The following PPM1L variants were observed in gnomAD, a reference collection of about 807,000 sequenced individuals.
PPM1L encodes the protein protein phosphatase 1L.
In PPM1L, 13 loss-of-function variants were observed where a neutral mutation model predicts 31.4. The ratio of observed to expected loss-of-function variants is 0.41; its 90% CI spans 0.27 to 0.66. PPM1L has a LOEUF of 0.66. Ranked by LOEUF, PPM1L falls within the 30% of genes least tolerant of loss-of-function variation. PPM1L has a pLI of 0.29. For synonymous variants in PPM1L, 184 were observed against 175.4 expected (o/e 1.05, Z -0.39); for missense variants, 326 against 453.7 (o/e 0.72, Z 2.56).
intron 1 of PPM1L, among the ~76,000 whole-genome samples, chr3:160,845,517 A>G (rs966639014): frequency 2.6e-5 from 4 of 151,750 alleles, no homozygotes; most frequent in Non-Finnish European, 5.9e-5. Context: ...TTCTCTATTT[A>G]TTTATTATTA....
intron 1 of PPM1L, among the ~76,000 whole-genome samples, chr3:160,858,461 G>A (rs952128422): frequency 5.3e-5 from 8 of 152,120 alleles, no homozygotes; most frequent in African/African-American, 1.7e-4. Context: ...TGGTCAGGCT[G>A]GTCCTGAACT....
At chr3:160,759,644 C>T (rs925299059) in intron 1 of PPM1L, among the ~76,000 whole-genome samples, 1 of 152,182 alleles carries the variant, frequency 6.6e-6, no homozygotes, top group African/African-American at 2.4e-5. Context: ...AGATAGACCT[C>T]TACACCAAAA....
rs556207301 is a variant in PPM1L at position 160,936,175 on chromosome 3, C to T, written c.400-25561C>T. 4.6e-5 allele frequency among the ~76,000 whole-genome samples: 7 copies of T among 152,208 alleles called. No individual in the cohort carries two copies. In the East Asian group the frequency reaches 5.8e-4, roughly 13 times the overall value. On this transcript the variant is annotated intron_variant, in intron 1 of 3. Coordinates refer to ENST00000498165, the MANE Select transcript of PPM1L (RefSeq NM_139245.4). ...CACAATCTCGACTCACTGCAACCTC[C>T]GCCTTCCAGGTTCAAGCGATTCTCC...
intron 1 of PPM1L, among the ~76,000 whole-genome samples, chr3:160,807,337 A>T (rs2108081815): frequency 2.0e-5 from 3 of 152,338 alleles, no homozygotes; most frequent in Admixed American, 2.0e-4. Flanking sequence ...CATCAATGTC[A>T]TATGCAATTA....
chr3:161,052,268 C>A lies in PPM1L; in HGVS notation c.575-13135C>A, dbSNP rs534944714. Among the ~76,000 whole-genome samples, 5 of 152,294 alleles carry A rather than the reference C, an allele frequency of 3.3e-5. No homozygotes were observed. The South Asian group carries it at 1.0e-3, about 32-fold the overall frequency. ...TGAGCTCCACATAATTCTTGGAGATCCTCACATCAAAGACTCCCTCTTGGT... is the reference window on the plus strand; with the variant it reads ...TGAGCTCCACATAATTCTTGGAGATACTCACATCAAAGACTCCCTCTTGGT... On this transcript the variant is annotated intron_variant, in intron 2 of 3. Transcript: ENST00000498165.
chr3:160,970,436 C>A (rs974315279), intron 2 of PPM1L, among the ~76,000 whole-genome samples: 1 of 143,324 alleles, frequency 7.0e-6, no homozygotes, highest in Admixed American at 7.6e-5. Flanking sequence ...ATCTTTTTAA[C>A]CAAGCTGAAT....
intron 1 of PPM1L, among the ~76,000 whole-genome samples, chr3:160,919,242 G>A (rs1251747944): frequency 6.6e-6 from 1 of 152,218 alleles, no homozygotes; most frequent in Non-Finnish European, 1.5e-5. Flanking sequence ...AGCCTTTTCT[G>A]AGAGATTCTT....
intron 1 of PPM1L, among the ~76,000 whole-genome samples, chr3:160,907,050 T>G (rs1713787118): frequency 6.6e-6 from 1 of 152,216 alleles, no homozygotes; most frequent in Admixed American, 6.5e-5. Context: ...AGGAAGCAAT[T>G]ACATAAATAG....
intron 1 of PPM1L, among the ~76,000 whole-genome samples, chr3:160,843,705 T>C (rs1015356904): frequency 1.3e-5 from 2 of 151,802 alleles, no homozygotes; most frequent in Admixed American, 6.6e-5. Context: ...AGTTCAACCA[T>C]TGTGGAAGAC....
intron 1 of PPM1L, among the ~76,000 whole-genome samples, chr3:160,818,897 T>C (rs1560116052): frequency 2.6e-5 from 4 of 151,944 alleles, no homozygotes; most frequent in Non-Finnish European, 4.4e-5. Context: ...AATTTATTTA[T>C]TTATTTATTT....
At chr3:160,954,641 G>C (rs1450958746) in intron 1 of PPM1L, among the ~76,000 whole-genome samples, 1 of 152,084 alleles carries the variant, frequency 6.6e-6, no homozygotes, top group Non-Finnish European at 1.5e-5. Context: ...TAGGATTACG[G>C]GAGTGAGCCA....
At chr3:160,963,761 A>G (rs1478565011) in intron 2 of PPM1L, among the ~76,000 whole-genome samples, 1 of 152,084 alleles carries the variant, frequency 6.6e-6, no homozygotes, top group Non-Finnish European at 1.5e-5. Flanking sequence ...TGCTTCAGAC[A>G]TAATTTTCCA....
intron 2 of PPM1L, among the ~76,000 whole-genome samples, chr3:160,994,647 C>T (rs1399161330): frequency 6.6e-6 from 1 of 152,186 alleles, no homozygotes; most frequent in African/African-American, 2.4e-5. Flanking sequence ...TTACCACACA[C>T]TACTATGTGC....
chr3:161,012,242 T>A (rs1272319023), intron 2 of PPM1L, among the ~76,000 whole-genome samples: 1 of 152,228 alleles, frequency 6.6e-6, no homozygotes, highest in Admixed American at 6.5e-5. Context: ...TGTTGAATTT[T>A]GTCAAAGGCC....
chr3:160,818,536 T>C (rs1713062032), intron 1 of PPM1L, among the ~76,000 whole-genome samples: 1 of 151,960 alleles, frequency 6.6e-6, no homozygotes, highest in African/African-American at 2.4e-5. Context: ...AACCAGACGA[T>C]AGGGTTTAAA....
At chr3:160,765,952 G>A (rs575237558) in intron 1 of PPM1L, among the ~76,000 whole-genome samples, 3 of 152,106 alleles carry the variant, frequency 2.0e-5, no homozygotes, top group Non-Finnish European at 2.9e-5. Flanking sequence ...CTAATCCTGC[G>A]TTTTCATTCT....
At chr3:161,039,519 T>C (rs911770702) in intron 2 of PPM1L, among the ~76,000 whole-genome samples, 1 of 152,150 alleles carries the variant, frequency 6.6e-6, no homozygotes, top group Non-Finnish European at 1.5e-5. Flanking sequence ...CCTCATATTT[T>C]ATTTTTTATG....
At chr3:160,763,859 G>A (rs1715034918) in intron 1 of PPM1L, among the ~76,000 whole-genome samples, 1 of 152,152 alleles carries the variant, frequency 6.6e-6, no homozygotes, top group Non-Finnish European at 1.5e-5. Context: ...TGTGATGGGA[G>A]TGGATAACTC....
intron 1 of PPM1L, among the ~76,000 whole-genome samples, chr3:160,760,499 A>G (rs1313747069): frequency 6.6e-6 from 1 of 152,068 alleles, no homozygotes; most frequent in Non-Finnish European, 1.5e-5. Context: ...TAACCATGAT[A>G]CTGTGTGTGG....
Sources: allele counts gnomAD v4.1 joint callset (sites outside exome capture counted in the v4.1 genomes callset), GRCh38; gene constraint gnomAD v4.1.1; transcripts MANE v1.5; gene names NCBI Gene and HGNC (gene_info 2026-07-23, HGNC 2026-07-21).